PARD3B: variants seen among roughly 807,000 people sequenced by gnomAD.
PARD3B encodes par-3 family cell polarity regulator beta.
PARD3B carries 103 observed loss-of-function variants against 130.2 expected under a neutral mutation model. The observed-to-expected ratio is 0.79, with a 90% confidence interval of 0.67 to 0.93. PARD3B has a LOEUF of 0.93. PARD3B is among the 40% of genes least tolerant of loss of function. PARD3B has a pLI of 0.00. For missense variants in PARD3B, 1,609 were observed against 1,499.2 expected (o/e 1.07, Z -1.21); for synonymous variants, 583 against 553.2 (o/e 1.05, Z -0.76).
At chr2:204,892,053 A>T (rs2046468928) in intron 2 of PARD3B, among the ~76,000 whole-genome samples, 1 of 152,228 alleles carries the variant, frequency 6.6e-6, no homozygotes, top group South Asian at 2.1e-4. Flanking sequence ...GAGAGACAAT[A>T]TAACATTATA....
chr2:204,712,705 G>T (rs1484787637), intron 2 of PARD3B, among the ~76,000 whole-genome samples: 2 of 150,034 alleles, frequency 1.3e-5, no homozygotes, highest in Non-Finnish European at 3.0e-5. Flanking sequence ...TAACTAATAT[G>T]ATTGATAGAT....
intron 21 of PARD3B, among the ~76,000 whole-genome samples, chr2:205,521,438 C>G (rs2051051765): frequency 6.6e-6 from 1 of 151,884 alleles, no homozygotes; most frequent in Non-Finnish European, 1.5e-5. Context: ...TCAATAGACT[C>G]TTTAACTTTG....
intron 2 of PARD3B, among the ~76,000 whole-genome samples, chr2:204,951,868 A>C (rs553815868): frequency 6.6e-6 from 1 of 152,214 alleles, no homozygotes; most frequent in African/African-American, 2.4e-5. Flanking sequence ...ACGCATGCTC[A>C]CAGACACATT....
At chr2:205,093,972 C>T (rs1420827644) in intron 4 of PARD3B, among the ~76,000 whole-genome samples, 7 of 152,140 alleles carry the variant, frequency 4.6e-5, no homozygotes, top group Admixed American at 2.0e-4. Flanking sequence ...GACCTCTGCA[C>T]CTCATTTCAA....
At chr2:205,385,857 G>A (rs1190517087) in intron 18 of PARD3B, among the ~76,000 whole-genome samples, 2 of 151,988 alleles carry the variant, frequency 1.3e-5, no homozygotes, top group Non-Finnish European at 2.9e-5. Context: ...TGCAAATTGG[G>A]ATCCCACAGC....
intron 16 of PARD3B, among the ~76,000 whole-genome samples, chr2:205,277,075 G>C (rs1245659220): frequency 6.6e-6 from 1 of 152,204 alleles, no homozygotes; most frequent in Admixed American, 6.5e-5. Flanking sequence ...CAGGAATTAA[G>C]GAGAGGCAAC....
intron 4 of PARD3B, among the ~76,000 whole-genome samples, chr2:205,080,909 C>T (rs1459574220): frequency 2.0e-5 from 3 of 151,932 alleles, no homozygotes; most frequent in Non-Finnish European, 4.4e-5. Flanking sequence ...GTTTGTTGGC[C>T]ATGTTTATTT....
In PARD3B at chr2:205,530,733, T is replaced by G. The variant is rs1211079932; in HGVS notation, c.3181-22591T>G. Among the ~76,000 whole-genome samples the G allele has an allele frequency of 2.0e-5, 3 of 152,040 alleles. No homozygotes were observed. The highest frequency in any genetic ancestry group is 4.4e-5 in the Non-Finnish European group (3 of 68,032). On this transcript the variant is annotated intron_variant, in intron 21 of 22. Transcript: ENST00000406610. The surrounding 1 kb of genome is among the most constrained non-coding windows in gnomAD (Gnocchi z 4.7). ...TCCCCTACAAAGTGTTGCACATGCT[T>G]CCACTGAGGACTAAAGCAATGAAAA...
At chr2:205,613,119 T>TG (rs1349547572) in intron 22 of PARD3B, among the ~76,000 whole-genome samples, 1 of 152,240 alleles carries the variant, frequency 6.6e-6, no homozygotes, top group African/African-American at 2.4e-5. Flanking sequence ...GTCCAAGGCC[T>TG]GGAATTCTTC....
At chr2:204,729,636 TC>T (rs2039397780) in intron 2 of PARD3B, among the ~76,000 whole-genome samples, 1 of 152,158 alleles carries the variant, frequency 6.6e-6, no homozygotes, top group Non-Finnish European at 1.5e-5. Context: ...AAATTCTAAG[TC>T]CCCAGATAAT....
At chr2:205,392,978 A>G (rs557049899) in intron 18 of PARD3B, among the ~76,000 whole-genome samples, 3 of 152,306 alleles carry the variant, frequency 2.0e-5, no homozygotes, top group Non-Finnish European at 2.9e-5. Context: ...TGGGATGGGA[A>G]CTCTAATTGG....
At chr2:205,261,933 G>A (rs1298690289) in intron 16 of PARD3B, among the ~76,000 whole-genome samples, 2 of 152,152 alleles carry the variant, frequency 1.3e-5, no homozygotes. Flanking sequence ...TTGAAGAGTA[G>A]TGCATGAGAA....
intron 18 of PARD3B, among the ~76,000 whole-genome samples, chr2:205,359,764 T>C (rs1168789796): frequency 1.3e-5 from 2 of 152,170 alleles, no homozygotes; most frequent in South Asian, 2.1e-4. Flanking sequence ...TTATATAGTA[T>C]GTATATGGAC....
chr2:205,417,191 G>A (rs1231523424), intron 19 of PARD3B, among the ~76,000 whole-genome samples: 1 of 150,368 alleles, frequency 6.7e-6, no homozygotes, highest in Non-Finnish European at 1.5e-5. Context: ...TTGGTTTTCT[G>A]TCCTTGTGAT....
chr2:205,389,636 G>T (rs554038836), intron 18 of PARD3B, among the ~76,000 whole-genome samples: 3 of 152,172 alleles, frequency 2.0e-5, no homozygotes, highest in Non-Finnish European at 2.9e-5. Flanking sequence ...GAGCCACTGC[G>T]CCCGGCCTGT....
At chr2:205,172,456 T>C in intron 12 of PARD3B, 75 bp downstream of exon 12, 1 of 1,435,900 alleles carries the variant, frequency 7.0e-7, no homozygotes, top group Non-Finnish European at 9.5e-7. Flanking sequence ...ATTCCTAGTA[T>C]GGCAGCTAGA....
intron 2 of PARD3B, among the ~76,000 whole-genome samples, chr2:204,802,475 G>A (rs2042605848): frequency 6.6e-6 from 1 of 152,036 alleles, no homozygotes; most frequent in African/African-American, 2.4e-5. Context: ...ATTTGACCCA[G>A]CAATCTCATT....
At chr2:205,315,852 C>A (rs1452322622) in intron 18 of PARD3B, among the ~76,000 whole-genome samples, 5 of 152,166 alleles carry the variant, frequency 3.3e-5, no homozygotes, top group African/African-American at 1.2e-4. Context: ...TTTATGAATT[C>A]TTTGATTTGC....
At chr2:205,478,151 A>G (rs1291063284) in intron 20 of PARD3B, among the ~76,000 whole-genome samples, 3 of 152,166 alleles carry the variant, frequency 2.0e-5, no homozygotes, top group Admixed American at 1.3e-4. Flanking sequence ...AATGGTGTCT[A>G]TGGCTACCTA....
Sources: allele counts gnomAD v4.1 joint callset (sites outside exome capture counted in the v4.1 genomes callset), GRCh38; gene constraint gnomAD v4.1.1; non-coding constraint Gnocchi (gnomAD v3.1); transcripts MANE v1.5; gene names NCBI Gene and HGNC (gene_info 2026-07-23, HGNC 2026-07-21).